The following LRP1 variants were observed in gnomAD, a reference collection of about 807,000 sequenced individuals.
LRP1 encodes LDL receptor related protein 1, also known as prolow-density lipoprotein receptor-related protein 1.
A neutral mutation model predicts 541.5 loss-of-function variants in LRP1; 51 were observed. The ratio of observed to expected loss-of-function variants is 0.09; its 90% CI spans 0.08 to 0.12. The LOEUF is 0.12. Among genes scored for constraint, LRP1 ranks in the 10% least tolerant of loss-of-function variants. LRP1 has a pLI of 1.00. For synonymous variants in LRP1, 2,219 were observed against 2,470.8 expected (o/e 0.90, Z 3.02); for missense variants, 3,878 against 6,376.2 (o/e 0.61, Z 13.34).
In LRP1 at chr12:57,156,737, GGCTC is replaced by G. The variant is rs2035627605; in HGVS notation, c.1418-39_1418-36del. On this transcript the variant is annotated intron_variant, in intron 9 of 88. Transcript: ENST00000243077. This position sits in a 1 kb window ranked among gnomAD's most constrained non-coding sequence, Gnocchi z 5.2. ...AAGCCTTCTCAAGGCCTGGCACAGG[GGCTC>G]TGAGGGGTCCTAACAGCTCTTCACC... is the stretch of plus-strand genomic sequence containing the variant. The G allele has an allele frequency of 6.4e-7, 1 of 1,566,184 alleles. No homozygotes were observed. The highest frequency in any genetic ancestry group is 8.7e-7 in the Non-Finnish European group (1 of 1,147,928).
intron 22 of LRP1, among the ~76,000 whole-genome samples, chr12:57,174,591 A>G (rs558000067): frequency 3.9e-5 from 6 of 152,326 alleles, no homozygotes; most frequent in African/African-American, 1.2e-4. Context: ...CCTGGCCAAC[A>G]TGGTGAAACC....
At chr12:57,139,969 C>T (rs573716786) in intron 2 of LRP1, among the ~76,000 whole-genome samples, 8 of 152,354 alleles carry the variant, frequency 5.3e-5, no homozygotes, top group Non-Finnish European at 1.0e-4. Flanking sequence ...TCCAGGCACA[C>T]ATGGGTCATA....
chr12:57,169,932 A>G (rs1021654010), intron 20 of LRP1, among the ~76,000 whole-genome samples: 1 of 152,214 alleles, frequency 6.6e-6, no homozygotes, highest in African/African-American at 2.4e-5. Context: ...TTTTTATGTG[A>G]AAACTACCAA....
Position 57,179,606 on chromosome 12 carries a change from G to A in LRP1, c.4966+50G>A, listed in dbSNP as rs371338450. 64 of 1,540,724 alleles carry A rather than the reference G, an allele frequency of 4.2e-5. No individual in the cohort carries two copies. The highest frequency in any genetic ancestry group is 1.9e-4 in the African/African-American group (14 of 73,522). ...CCAGTGGACATGGGCACCTCCACCCGCCCCTTGCTCCCAACCCTGGTCTAC... is the reference window on the plus strand; with the variant it reads ...CCAGTGGACATGGGCACCTCCACCCACCCCTTGCTCCCAACCCTGGTCTAC... On this transcript the variant is annotated intron_variant, in intron 29 of 88. Transcript: ENST00000243077. This position sits in a 1 kb window ranked among gnomAD's most constrained non-coding sequence, Gnocchi z 6.8.
chr12:57,202,281 A>G lies in LRP1; in HGVS notation c.10595-140A>G, dbSNP rs1011351056. 2.6e-5 allele frequency: 19 copies of G among 729,788 alleles called. No individual in the cohort carries two copies. The South Asian group carries it at 2.8e-4, about 11-fold the overall frequency. 45.2% of individuals were successfully genotyped at this position (729,788 alleles called of 1,614,324 possible). On this transcript the variant is annotated intron_variant, in intron 67 of 88. Transcript: ENST00000243077. ...CCTTATAGACCCCACGTCTCAAAACACCGCCTGGGCTCCCCGCGGCTGACC... is the reference window on the plus strand; with the variant it reads ...CCTTATAGACCCCACGTCTCAAAACGCCGCCTGGGCTCCCCGCGGCTGACC...
intron 52 of LRP1, 28 bp from the exon 53 acceptor site, chr12:57,195,630 G>C (rs373044717): frequency 3.7e-6 from 6 of 1,613,844 alleles, no homozygotes; most frequent in Non-Finnish European, 5.1e-6. Context: ...AGGCAGGGCT[G>C]AAGGGCTGTG....
At chr12:57,186,821 G>A (rs769081287) in intron 41 of LRP1, among the ~76,000 whole-genome samples, 9 of 152,152 alleles carry the variant, frequency 5.9e-5, no homozygotes, top group Non-Finnish European at 1.0e-4. Context: ...ACTGCTGTTC[G>A]GCTGTGTCTC....
chr12:57,203,060 G>T (rs538579093), intron 68 of LRP1, 121 bp from the exon 69 acceptor site: 4 of 738,722 alleles, frequency 5.4e-6, no homozygotes, highest in South Asian at 1.9e-5. Context: ...CGGCCTCTGG[G>T]TCAGTCAGCT....
intron 1 of LRP1, among the ~76,000 whole-genome samples, chr12:57,132,349 C>G (rs1304125380): frequency 6.6e-6 from 1 of 152,140 alleles, no homozygotes; most frequent in African/African-American, 2.4e-5. Flanking sequence ...CCCACCAGGC[C>G]TTAGCTTCCC....
Position 57,185,050 on chromosome 12 carries a change from ATGCCCTGCTTG to A in LRP1, c.6339-23_6339-13del. ...TCTTCCTTCCCTCCTGCCTCCACTG[ATGCCCTGCTTG>A]TGCCCTGTCCTTCCCTCAGGACTCA... On this transcript the variant is annotated intron_variant, in intron 39 of 88. Coordinates refer to ENST00000243077, the MANE Select transcript of LRP1 (RefSeq NM_002332.3). This position sits in a 1 kb window ranked among gnomAD's most constrained non-coding sequence, Gnocchi z 4.9. 1 of 1,614,012 alleles carries A rather than the reference ATGCCCTGCTTG, an allele frequency of 6.2e-7. No individual in the cohort carries two copies. Among genetic ancestry groups the A allele is most frequent in the Non-Finnish European group, 8.5e-7 (1 of 1,179,950 alleles).
intron 8 of LRP1, 126 bp from the exon 9 acceptor site, chr12:57,155,968 A>G: frequency 1.3e-6 from 1 of 742,286 alleles, no homozygotes; most frequent in Non-Finnish European, 2.2e-6. Context: ...ATAAATAAAA[A>G]TTAAAAACTA....
At chr12:57,137,093 T>G (rs976621783) in intron 1 of LRP1, among the ~76,000 whole-genome samples, 4 of 151,258 alleles carry the variant, frequency 2.6e-5, no homozygotes, top group African/African-American at 9.7e-5. Context: ...AATACAAAAT[T>G]AGCCATGCGT....
At chr12:57,133,875 G>T (rs2035094301) in intron 1 of LRP1, among the ~76,000 whole-genome samples, 1 of 151,916 alleles carries the variant, frequency 6.6e-6, no homozygotes, top group Admixed American at 6.6e-5. Flanking sequence ...TCCCTCAAGG[G>T]GGTATCAAAG....
chr12:57,139,270 G>A (rs528896651), intron 2 of LRP1, among the ~76,000 whole-genome samples: 148 of 152,156 alleles, frequency 9.7e-4, no homozygotes, highest in Middle Eastern at 3.4e-3. Context: ...GTCCGTCTCT[G>A]TTCTCTCTCT....
intron 1 of LRP1, among the ~76,000 whole-genome samples, chr12:57,135,597 G>A (rs1460806674): frequency 6.6e-6 from 1 of 152,226 alleles, no homozygotes; most frequent in Non-Finnish European, 1.5e-5. Context: ...CTGACAGGAA[G>A]TTCTTTCACG....
rs376504279 is a variant in LRP1, at chr12:57,194,908, C to A, written c.8192-77C>A. The A allele has an allele frequency of 3.9e-6, 5 of 1,290,590 alleles. No homozygotes were observed. The Admixed American group carries it at 5.1e-5, about 13-fold the overall frequency. The allele number at this position is 1,290,590 out of a possible 1,614,324, so 79.9% of individuals were successfully genotyped here. Reference sequence around the variant, plus strand: ...GGGGTGCTGTGGGCATCTCTCCTGTCCTTCCCATGGCATCAGCCTCCCCAG... The same window carrying A: ...GGGGTGCTGTGGGCATCTCTCCTGTACTTCCCATGGCATCAGCCTCCCCAG... On this transcript the variant is annotated intron_variant, in intron 50 of 88. Coordinates refer to ENST00000243077, the MANE Select transcript of LRP1 (RefSeq NM_002332.3).
chr12:57,139,583 T>G (rs769214770), intron 2 of LRP1, among the ~76,000 whole-genome samples: 5 of 152,184 alleles, frequency 3.3e-5, no homozygotes, highest in Non-Finnish European at 5.9e-5. Context: ...TTGTTCATTC[T>G]TCCTTCAATT....
Position 57,173,648 on chromosome 12 carries a change from C to A in LRP1, c.3347-132C>A. ...GCCTATGTGAATTTGACCCAAAAAG[C>A]CTCGGGGTTCCTCGTGGACCCCACA... On this transcript the variant is annotated intron_variant, in intron 21 of 88. Transcript: ENST00000243077. The surrounding 1 kb of genome is among the most constrained non-coding windows in gnomAD (Gnocchi z 4.7). The A allele has an allele frequency of 2.2e-6, 2 of 920,778 alleles. No homozygotes were observed. Among genetic ancestry groups the A allele is most frequent in the African/African-American group, 1.6e-5 (1 of 60,802 alleles). The allele number at this position is 920,778 out of a possible 1,614,324, so 57.0% of individuals were successfully genotyped here. A position where few individuals can be genotyped will look rare whatever the true frequency, so the allele number is the denominator to read the frequency against.
Position 57,183,111 on chromosome 12 carries a change from G to A in LRP1, c.5663-268G>A, listed in dbSNP as rs1441080936. ...GGGTTGTGCTGGGTGGAGGCCGGCA[G>A]AGCACAGGGTGAGAAATCCGAGTCT... On this transcript the variant is annotated intron_variant, in intron 34 of 88. Transcript: ENST00000243077. This position sits in a 1 kb window ranked among gnomAD's most constrained non-coding sequence, Gnocchi z 6.1. Among the ~76,000 whole-genome samples, 1 of 152,040 alleles carries A rather than the reference G, an allele frequency of 6.6e-6. No individual in the cohort carries two copies. Among genetic ancestry groups the A allele is most frequent in the Non-Finnish European group, 1.5e-5 (1 of 67,980 alleles).
Sources: gnomAD v4.1 joint callset for allele counts (sites outside exome capture counted in the v4.1 genomes callset) on GRCh38, gnomAD v4.1.1 for gene constraint, Gnocchi (gnomAD v3.1) non-coding constraint, MANE v1.5 for transcripts, NCBI Gene and HGNC (gene_info 2026-07-23, HGNC 2026-07-21) for gene names.